Variants in CSNK2B observed in about 807,000 individuals in gnomAD.
CSNK2B encodes the protein casein kinase II subunit beta.
A neutral mutation model predicts 28.8 loss-of-function variants in CSNK2B; 2 were observed. The observed-to-expected ratio is 0.07, with a 90% CI of 0.03 to 0.22. The LOEUF (loss-of-function observed/expected upper bound fraction) is 0.22. Ranked by LOEUF, CSNK2B falls within the 10% of genes least tolerant of loss-of-function variation. The probability of loss-of-function intolerance (pLI) is 1.00; values close to 1 mark genes in which losing one functional copy is unlikely to be tolerated. For missense variants in CSNK2B, 107 were observed against 277.9 expected (o/e 0.39, Z 4.37); for synonymous variants, 89 against 96.1 (o/e 0.93, Z 0.43).
At chr6:31,667,999 G>A (rs1394135015) in intron 3 of CSNK2B, 29 bp downstream of exon 3, 19 of 1,405,608 alleles carry the variant, frequency 1.4e-5, no homozygotes, top group African/African-American at 1.1e-4. Flanking sequence ...TGTTTTGTGT[G>A]TGTGCGTGCA....
At chr6:31,667,012 TC>T (rs1801783424) in intron 2 of CSNK2B, 109 bp downstream of exon 2, 12 of 977,732 alleles carry the variant, frequency 1.2e-5, no homozygotes, top group Non-Finnish European at 1.9e-5. Flanking sequence ...TTTGAAAACT[TC>T]CTATCAGCAA....
At chr6:31,666,246 G>A (rs1583596745) in intron 1 of CSNK2B, 38 bp downstream of exon 1, 8 of 951,256 alleles carry the variant, frequency 8.4e-6, no homozygotes, top group Non-Finnish European at 1.0e-5. Flanking sequence ...GTCCCTTGTC[G>A]CTGGGAGCGG....
Position 31,666,147 on chromosome 6 carries a change from C to G in CSNK2B, c.-73C>G, listed in dbSNP as rs1399657654. ...TCCGCGGCCTGCGCTGTAGCGGTCG[C>G]CGCCGTTCCCTGGAAGTAGCAACTT... On this transcript the variant is annotated 5_prime_UTR_variant, in exon 1 of 7. Coordinates refer to ENST00000375882, the MANE Select transcript of CSNK2B (RefSeq NM_001320.7). 1.0e-6 allele frequency: 1 copy of G among 991,486 alleles called. No individual in the cohort carries two copies. The allele number at this position is 991,486 out of a possible 1,614,324, so 61.4% of individuals were successfully genotyped here.
At position 31,669,942 on chromosome 6, in the gene CSNK2B, G is replaced by C. The variant is rs1802064575; in HGVS notation, c.*16G>C. 6.2e-7 allele frequency: 1 copy of C among 1,605,902 alleles called. No homozygotes were observed. The highest frequency in any genetic ancestry group is 1.1e-5 in the South Asian group (1 of 90,318). ...GATTCGCTGATTCCCTCCCCCACCT[G>C]TCCTGCAGTCTTTGACTTTTCCTTT... On this transcript the variant is annotated 3_prime_UTR_variant, in exon 7 of 7. Transcript: ENST00000375882. The surrounding 1 kb of genome is among the most constrained non-coding windows in gnomAD (Gnocchi z 4.8).
chr6:31,669,599 T>A lies in CSNK2B; in HGVS notation c.557+91T>A. 1 of 1,401,240 alleles carries A rather than the reference T, an allele frequency of 7.1e-7. No individual in the cohort carries two copies. The highest frequency in any genetic ancestry group is 1.4e-5 in the African/African-American group (1 of 70,068). 86.8% of individuals were successfully genotyped at this position (1,401,240 alleles called of 1,614,324 possible). ...CAGGGCATGGCCCTTTCTTGAGGTC[T>A]GCTTCTCCCAGAATCAGGGCATCTC... On this transcript the variant is annotated intron_variant, in intron 6 of 6. Transcript: ENST00000375882. This position sits in a 1 kb window ranked among gnomAD's most constrained non-coding sequence, Gnocchi z 4.8.
Position 31,668,591 on chromosome 6 carries a change from C to T in CSNK2B, c.228C>T (p.Ala76=), listed in dbSNP as rs199872404. The part of the protein sequence containing the change: ...PNQSDLIEQA[A]EMLYGLIHAR... ...AGAGTGACCTGATTGAGCAGGCAGCCGAGATGCTTTATGGATTGATCCACG... is the reference window on the plus strand; with the variant it reads ...AGAGTGACCTGATTGAGCAGGCAGCTGAGATGCTTTATGGATTGATCCACG... The change falls in exon 4 of 7, where the codon GCC becomes GCT. Residue 76 remains alanine, a synonymous_variant. Transcript: ENST00000375882. 4.6e-5 allele frequency: 74 copies of T among 1,613,046 alleles called. No homozygotes were observed. In the South Asian group the frequency reaches 5.8e-4, roughly 13 times the overall value.
In CSNK2B at chr6:31,669,604, C is replaced by T; in HGVS notation, c.557+96C>T. The T allele has an allele frequency of 7.3e-7, 1 of 1,366,480 alleles. No homozygotes were observed. The highest frequency in any genetic ancestry group is 1.0e-6 in the Non-Finnish European group (1 of 1,001,896). The allele number at this position is 1,366,480 out of a possible 1,614,324, so 84.6% of individuals were successfully genotyped here. On this transcript the variant is annotated intron_variant, in intron 6 of 6. Transcript: ENST00000375882. The surrounding 1 kb of genome is among the most constrained non-coding windows in gnomAD (Gnocchi z 4.8). The stretch of plus-strand genomic sequence containing the variant: ...CATGGCCCTTTCTTGAGGTCTGCTT[C>T]TCCCAGAATCAGGGCATCTCCCTGC...
intron 3 of CSNK2B, 34 bp downstream of exon 3, chr6:31,668,004 C>A: frequency 1.5e-6 from 2 of 1,364,748 alleles, no homozygotes; most frequent in Non-Finnish European, 2.1e-6. Flanking sequence ...TGTGTGTGTG[C>A]GTGCACTATT....
Position 31,669,232 on chromosome 6 carries a change from G to A in CSNK2B, c.367+60G>A, listed in dbSNP as rs1384994622. The A allele has an allele frequency of 6.2e-7, 1 of 1,602,482 alleles. No homozygotes were observed. The highest frequency in any genetic ancestry group is 8.5e-7 in the Non-Finnish European group (1 of 1,169,876). On this transcript the variant is annotated intron_variant, in intron 5 of 6. Coordinates refer to ENST00000375882, the MANE Select transcript of CSNK2B (RefSeq NM_001320.7). This position sits in a 1 kb window ranked among gnomAD's most constrained non-coding sequence, Gnocchi z 4.8. Reference sequence around the variant, plus strand: ...TGGCAGTCTTATGGGAAGGAGTTGGGGCTCAACACATTGGAGCCTGAGTCC... The same window carrying A: ...TGGCAGTCTTATGGGAAGGAGTTGGAGCTCAACACATTGGAGCCTGAGTCC...
At chr6:31,667,247 C>T (rs375769632) in intron 2 of CSNK2B, 6 of 464,062 alleles carry the variant, frequency 1.3e-5, no homozygotes, top group South Asian at 6.8e-5. Context: ...TTCTCCTGCT[C>T]CAGCCTCCCA....
Position 31,669,097 on chromosome 6 carries a change from T to C in CSNK2B, c.292T>C (p.Leu98=), listed in dbSNP as rs571224228. 38 of 1,612,700 alleles carry C rather than the reference T, an allele frequency of 2.4e-5. No individual in the cohort carries two copies. Among genetic ancestry groups the C allele is most frequent in the Admixed American group, 5.0e-5 (3 of 60,020 alleles). Residue 98 remains leucine, a splice_region_variant and synonymous_variant, in exon 5 of 7, where the codon TTG becomes CTG. Coordinates refer to ENST00000375882, the MANE Select transcript of CSNK2B (RefSeq NM_001320.7). The surrounding 1 kb of genome is among the most constrained non-coding windows in gnomAD (Gnocchi z 4.8). ...ILTNRGIAQM[L]EKYQQGDFGY... ...ACCCCTTCCATTGTATTCACCTCAG[T>C]TGGAAAAGTACCAGCAAGGAGACTT...
intron 3 of CSNK2B, 153 bp downstream of exon 3, chr6:31,668,123 G>C (rs762765147): frequency 3.0e-5 from 21 of 697,196 alleles, no homozygotes; most frequent in Non-Finnish European, 5.2e-5. Flanking sequence ...CCTGACTCTT[G>C]TCTAGTTTTG....
rs532435820 is a variant in CSNK2B at position 31,669,845 on chromosome 6, T to C, written c.567T>C (p.Gly189=). Residue 189 remains glycine (G), a synonymous_variant, in exon 7 of 7, where the codon GGT becomes GGC. Coordinates refer to ENST00000375882, the MANE Select transcript of CSNK2B (RefSeq NM_001320.7). The surrounding 1 kb of genome is among the most constrained non-coding windows in gnomAD (Gnocchi z 4.8). ...PANQFVPRLY[G]FKIHPMAYQL... ...CTCTGCCCTGGCCTAGGCTCTACGG[T>C]TTCAAGATCCATCCGATGGCCTACC... 2.7e-5 allele frequency: 43 copies of C among 1,612,654 alleles called. 1 individual carries two copies. The South Asian group carries it at 4.6e-4, about 17-fold the overall frequency.
chr6:31,668,200 C>T (rs1164096980), intron 3 of CSNK2B: 5 of 616,300 alleles, frequency 8.1e-6, no homozygotes, highest in East Asian at 2.7e-5. Flanking sequence ...AATGCGTTTC[C>T]TCATGGGTCT....
Position 31,670,031 on chromosome 6 carries a change from G to A in CSNK2B, c.*105G>A, listed in dbSNP as rs371767774. On this transcript the variant is annotated 3_prime_UTR_variant, in exon 7 of 7. Transcript: ENST00000375882. ...AGTTTAAATTAAAGGAGTCGTTATCGTGGTGGGAATATGAAATAAAGTAGA... is the reference window on the plus strand; with the variant it reads ...AGTTTAAATTAAAGGAGTCGTTATCATGGTGGGAATATGAAATAAAGTAGA... 299 of 877,264 alleles carry A rather than the reference G, an allele frequency of 3.4e-4. 6 individuals are homozygous for A. In the South Asian group the frequency reaches 4.6e-3, roughly 13 times the overall value. 54.3% of individuals were successfully genotyped at this position (877,264 alleles called of 1,614,324 possible).
At position 31,669,051 on chromosome 6, in the gene CSNK2B, C is replaced by A; in HGVS notation, c.292-46C>A. On this transcript the variant is annotated intron_variant, in intron 4 of 6. Transcript: ENST00000375882. This position sits in a 1 kb window ranked among gnomAD's most constrained non-coding sequence, Gnocchi z 4.8. ...GGTTGGGCTGCGAAGGGAGTTGCCT[C>A]TTCTTTACATCTACCTGCCAACCCC... 1 of 1,512,604 alleles carries A rather than the reference C, an allele frequency of 6.6e-7. No homozygotes were observed. The highest frequency in any genetic ancestry group is 9.2e-7 in the Non-Finnish European group (1 of 1,088,908). The allele number at this position is 1,512,604 out of a possible 1,614,324, so 93.7% of individuals were successfully genotyped here. A position where few individuals can be genotyped will look rare whatever the true frequency, so the allele number is the denominator to read the frequency against.
chr6:31,667,799 G>C, intron 2 of CSNK2B, 69 bp from the exon 3 acceptor site: 1 of 812,954 alleles, frequency 1.2e-6, no homozygotes, highest in Non-Finnish European at 1.9e-6. Flanking sequence ...GCATCACTTA[G>C]AGCATTTTGC....
Position 31,668,610 on chromosome 6 carries a change from A to G in CSNK2B, c.247A>G (p.Ile83Val). The G allele has an allele frequency of 6.2e-7, 1 of 1,613,064 alleles. No homozygotes were observed. The highest frequency in any genetic ancestry group is 8.5e-7 in the Non-Finnish European group (1 of 1,180,014). Residue 83 changes from isoleucine (I) to valine (V), a missense_variant, in exon 4 of 7, where the codon ATC (isoleucine) becomes GTC (valine). Transcript: ENST00000375882. Reference sequence around the variant, plus strand: ...GGCAGCCGAGATGCTTTATGGATTGATCCACGCCCGCTACATCCTTACCAA... The same window carrying G: ...GGCAGCCGAGATGCTTTATGGATTGGTCCACGCCCGCTACATCCTTACCAA... ...EQAAEMLYGL[I>V]HARYILTNRG...
In CSNK2B at chr6:31,668,525, G is replaced by T. The variant is rs1306363420; in HGVS notation, c.176-14G>T. ...GAAAAACAAGTAGTTGCATTTGGCC[G>T]GGCTGTGTTTCAGATGAAGAACTGG... On this transcript the variant is annotated splice_polypyrimidine_tract_variant and intron_variant, in intron 3 of 6. Coordinates refer to ENST00000375882, the MANE Select transcript of CSNK2B (RefSeq NM_001320.7). 1.2e-6 allele frequency: 2 copies of T among 1,609,706 alleles called. No individual in the cohort carries two copies. The highest frequency in any genetic ancestry group is 2.2e-5 in the East Asian group (1 of 44,866).
Sources: allele counts gnomAD v4.1 joint callset, GRCh38; gene constraint gnomAD v4.1.1; non-coding constraint Gnocchi (gnomAD v3.1); transcripts MANE v1.5; gene names NCBI Gene and HGNC (gene_info 2026-07-23, HGNC 2026-07-21).